The following GLG1 variants were observed in gnomAD, a reference collection of about 807,000 sequenced individuals.
GLG1 encodes the protein golgi glycoprotein 1, also known as Golgi apparatus protein 1.
In GLG1, 38 loss-of-function variants were observed where a neutral mutation model predicts 160.5. The ratio of observed to expected loss-of-function variants is 0.24; its 90% confidence interval spans 0.18 to 0.31. The LOEUF (loss-of-function observed/expected upper bound fraction) is 0.31, where lower values mean the gene tolerates loss of function less well. GLG1 is among the 10% of genes least tolerant of loss of function. GLG1 has a pLI of 1.00. For missense variants in GLG1, 1,373 were observed against 1,505.2 expected (o/e 0.91, Z 1.45); for synonymous variants, 644 against 543.4 (o/e 1.19, Z -2.57).
At chr16:74,540,902 G>A (rs2017844639) in intron 1 of GLG1, among the ~76,000 whole-genome samples, 1 of 152,194 alleles carries the variant, frequency 6.6e-6, no homozygotes, top group Admixed American at 6.5e-5. Context: ...AATAAAGTCA[G>A]TTACGGTGTC....
chr16:74,569,510 C>T (rs1291771135), intron 1 of GLG1, among the ~76,000 whole-genome samples: 6 of 152,160 alleles, frequency 3.9e-5, no homozygotes, highest in Non-Finnish European at 8.8e-5. Context: ...TCAAATACAT[C>T]TCTAACAGAG....
At chr16:74,481,235 T>G (rs139520149) in intron 10 of GLG1, among the ~76,000 whole-genome samples, 7 of 152,328 alleles carry the variant, frequency 4.6e-5, no homozygotes, top group African/African-American at 1.7e-4. Context: ...GGTTATCTTT[T>G]TGGTTACTTG....
At chr16:74,581,516 G>A (rs1224890344) in intron 1 of GLG1, among the ~76,000 whole-genome samples, 1 of 137,646 alleles carries the variant, frequency 7.3e-6, no homozygotes, top group Admixed American at 7.9e-5. Context: ...AATGATTATG[G>A]AGATTCAATG....
At chr16:74,514,970 G>GAA (rs1014064806) in intron 2 of GLG1, among the ~76,000 whole-genome samples, 1 of 142,392 alleles carries the variant, frequency 7.0e-6, no homozygotes. Flanking sequence ...GAAAGCAAAA[G>GAA]AAAAAAAAAA....
chr16:74,477,568 G>T, intron 11 of GLG1, 35 bp from the exon 12 acceptor site: 3 of 1,573,332 alleles, frequency 1.9e-6, no homozygotes, highest in Non-Finnish European at 2.6e-6. Context: ...TACTTGAAAG[G>T]TAACAAAACA....
intron 12 of GLG1, 38 bp from the exon 13 acceptor site, chr16:74,474,670 C>A (rs1178955069): frequency 1.1e-6 from 1 of 933,374 alleles, no homozygotes; most frequent in Non-Finnish European, 1.8e-6. Context: ...ATTTATCAGT[C>A]ACATACATGA....
intron 1 of GLG1, among the ~76,000 whole-genome samples, chr16:74,538,953 C>T (rs1264913983): frequency 2.0e-5 from 3 of 151,538 alleles, no homozygotes; most frequent in Non-Finnish European, 4.4e-5. Context: ...GTCTTATAGG[C>T]GGTTGTGGTT....
chr16:74,470,124 A>G, intron 15 of GLG1, 51 bp from the exon 16 acceptor site: 1 of 1,104,080 alleles, frequency 9.1e-7, no homozygotes, highest in Non-Finnish European at 1.4e-6. Flanking sequence ...ACTTGTGGTC[A>G]GTAGTGGTAG....
At chr16:74,555,304 A>G (rs1475414511) in intron 1 of GLG1, among the ~76,000 whole-genome samples, 1 of 152,216 alleles carries the variant, frequency 6.6e-6, no homozygotes, top group African/African-American at 2.4e-5. Flanking sequence ...GCAATTATTC[A>G]TGTTGTGAAA....
chr16:74,472,310 T>G, intron 14 of GLG1, 39 bp downstream of exon 14: 2 of 1,426,470 alleles, frequency 1.4e-6, no homozygotes, highest in African/African-American at 1.4e-5. Flanking sequence ...TGTCAATTTG[T>G]TTCTGTTTTT....
intron 1 of GLG1, among the ~76,000 whole-genome samples, chr16:74,605,365 AACT>A (rs1367433212): frequency 1.3e-5 from 2 of 152,244 alleles, no homozygotes; most frequent in East Asian, 1.9e-4. Context: ...TTCTACCACA[AACT>A]ACTACTAATT....
chr16:74,477,977 A>AAAATAAAAAAATAAAT (rs2015450474), intron 11 of GLG1, among the ~76,000 whole-genome samples: 1 of 140,148 alleles, frequency 7.1e-6, no homozygotes, highest in Non-Finnish European at 1.5e-5. Flanking sequence ...CCGTCTCAAA[A>AAAATAAAAAAATAAAT]AAATAAATAA....
chr16:74,578,920 T>A (rs966481343), intron 1 of GLG1, among the ~76,000 whole-genome samples: 2 of 152,110 alleles, frequency 1.3e-5, no homozygotes, highest in South Asian at 4.1e-4. Context: ...AAGATGAAAA[T>A]AGGTAAATGT....
chr16:74,516,529 C>T (rs2016983278), intron 2 of GLG1, among the ~76,000 whole-genome samples: 3 of 152,136 alleles, frequency 2.0e-5, no homozygotes. Context: ...CACAACACAC[C>T]AGAATCTCTG....
chr16:74,520,474 T>G (rs1327149884), intron 2 of GLG1, among the ~76,000 whole-genome samples: 1 of 152,102 alleles, frequency 6.6e-6, no homozygotes, highest in Non-Finnish European at 1.5e-5. Context: ...CTATCTCTAC[T>G]AAGAATACAA....
intron 2 of GLG1, among the ~76,000 whole-genome samples, chr16:74,527,403 C>T (rs1034940514): frequency 1.3e-5 from 2 of 151,846 alleles, no homozygotes; most frequent in Non-Finnish European, 2.9e-5. Context: ...GTGTGCACCA[C>T]CACACCCAAC....
At chr16:74,483,939 G>A (rs1454190930) in intron 9 of GLG1, among the ~76,000 whole-genome samples, 2 of 152,070 alleles carry the variant, frequency 1.3e-5, no homozygotes, top group African/African-American at 2.4e-5. Flanking sequence ...GATTACAGGC[G>A]TGAGCCACCG....
chr16:74,506,353 C>A (rs1377268861), intron 3 of GLG1, among the ~76,000 whole-genome samples: 1 of 151,156 alleles, frequency 6.6e-6, no homozygotes, highest in South Asian at 2.1e-4. Context: ...CCCAGGCGGG[C>A]GGATCACGAG....
chr16:74,575,578 C>T (rs1335504037), intron 1 of GLG1, among the ~76,000 whole-genome samples: 1 of 152,096 alleles, frequency 6.6e-6, no homozygotes, highest in East Asian at 1.9e-4. Context: ...AATACAGCCT[C>T]AAAGATCTCT....
Sources: allele counts gnomAD v4.1 joint callset (sites outside exome capture counted in the v4.1 genomes callset), GRCh38; gene constraint gnomAD v4.1.1; transcripts MANE v1.5; gene names NCBI Gene and HGNC (gene_info 2026-07-23, HGNC 2026-07-21).